Variants in CFAP221 observed in about 807,000 individuals in gnomAD.
The protein encoded by CFAP221 is cilia- and flagella-associated protein 221.
A neutral mutation model predicts 113.1 loss-of-function variants in CFAP221; 97 were observed. The ratio of observed to expected loss-of-function variants is 0.86; its 90% CI spans 0.73 to 1.02. CFAP221 has a LOEUF of 1.02. Among genes scored for constraint, CFAP221 ranks in the 50% least tolerant of loss-of-function variants. The pLI is 0.00. For missense variants in CFAP221, 1,025 were observed against 1,013.4 expected (o/e 1.01, Z -0.16); for synonymous variants, 331 against 354.4 (o/e 0.93, Z 0.74).
chr2:119,609,163 A>G (rs535246566), intron 12 of CFAP221, among the ~76,000 whole-genome samples: 4 of 152,312 alleles, frequency 2.6e-5, no homozygotes, highest in Admixed American at 2.0e-4. Flanking sequence ...TGGCCTCACC[A>G]TGCTTTGAAG....
At chr2:119,574,701 C>A (rs1682309974) in intron 6 of CFAP221, among the ~76,000 whole-genome samples, 1 of 152,154 alleles carries the variant, frequency 6.6e-6, no homozygotes, top group Non-Finnish European at 1.5e-5. Flanking sequence ...CACACACATG[C>A]ATGCACACAC....
At chr2:119,593,392 C>T (rs954131232) in intron 7 of CFAP221, among the ~76,000 whole-genome samples, 2 of 152,260 alleles carry the variant, frequency 1.3e-5, no homozygotes, top group Middle Eastern at 3.4e-3. Flanking sequence ...TTAATTGGGT[C>T]TGTAGGATGT....
chr2:119,603,809 A>G (rs1236564209), intron 8 of CFAP221, among the ~76,000 whole-genome samples: 1 of 152,212 alleles, frequency 6.6e-6, no homozygotes, highest in Non-Finnish European at 1.5e-5. Flanking sequence ...CTAAAAAAAG[A>G]AAAAAGAAAT....
chr2:119,591,003 AAC>A (rs1277109833), intron 7 of CFAP221, among the ~76,000 whole-genome samples: 1 of 152,158 alleles, frequency 6.6e-6, no homozygotes. Context: ...TATCTCAGAA[AAC>A]ACATAGTGGC....
Position 119,638,089 on chromosome 2 carries a change from C to T in CFAP221, c.1975-170C>T, listed in dbSNP as rs565803903. 5.8e-4 allele frequency: 296 copies of T among 512,810 alleles called. 17 individuals are homozygous for T. Among genetic ancestry groups the T allele is most frequent in the Non-Finnish European group, 8.0e-4 (243 of 304,992 alleles). The allele number at this position is 512,810 out of a possible 1,614,324, so 31.8% of individuals were successfully genotyped here. On this transcript the variant is annotated intron_variant, in intron 19 of 23. Coordinates refer to ENST00000413369, the MANE Select transcript of CFAP221 (RefSeq NM_001271049.2). ...ATGACTATGATTTTTTAAACGCTGC[C>T]GACTTGAAGACACCTCTGCTCTCCT...
At chr2:119,625,949 T>C (rs1439037599) in intron 15 of CFAP221, 2 of 437,310 alleles carry the variant, frequency 4.6e-6, no homozygotes, top group Non-Finnish European at 8.1e-6. Flanking sequence ...CATTAAGCCT[T>C]TTAAACTTAA....
chr2:119,586,151 G>C (rs1000978708), intron 6 of CFAP221, among the ~76,000 whole-genome samples: 1 of 152,158 alleles, frequency 6.6e-6, no homozygotes, highest in African/African-American at 2.4e-5. Context: ...GATGTACAGA[G>C]TCAAAGATGA....
intron 3 of CFAP221, among the ~76,000 whole-genome samples, chr2:119,551,126 A>G (rs1680390940): frequency 6.6e-6 from 1 of 152,216 alleles, no homozygotes; most frequent in Admixed American, 6.5e-5. Flanking sequence ...TTGTGTGGAT[A>G]GATCACATTT....
At chr2:119,578,629 G>A (rs1221623362) in intron 6 of CFAP221, among the ~76,000 whole-genome samples, 1 of 152,176 alleles carries the variant, frequency 6.6e-6, no homozygotes, top group African/African-American at 2.4e-5. Context: ...ATCTCTGTGT[G>A]AAGGCTTTCT....
intron 14 of CFAP221, among the ~76,000 whole-genome samples, chr2:119,616,716 A>G (rs1456509838): frequency 6.6e-6 from 1 of 152,150 alleles, no homozygotes; most frequent in Non-Finnish European, 1.5e-5. Context: ...ACCCCTGTGA[A>G]TCTGCTCTCA....
chr2:119,638,938 C>G (rs1437164227), intron 20 of CFAP221, among the ~76,000 whole-genome samples: 1 of 152,146 alleles, frequency 6.6e-6, no homozygotes, highest in Non-Finnish European at 1.5e-5. Context: ...AGCTCTCTCC[C>G]CACTTCTACC....
At chr2:119,589,236 G>A (rs1189709703) in intron 7 of CFAP221, among the ~76,000 whole-genome samples, 3 of 152,340 alleles carry the variant, frequency 2.0e-5, no homozygotes, top group East Asian at 3.9e-4. Flanking sequence ...CTTTGATGGT[G>A]TATCAGTACA....
intron 6 of CFAP221, among the ~76,000 whole-genome samples, chr2:119,567,882 G>A (rs1681761746): frequency 6.6e-6 from 1 of 151,940 alleles, no homozygotes; most frequent in African/African-American, 2.4e-5. Flanking sequence ...TCTTCCTGTG[G>A]TTTTAACCAT....
chr2:119,627,876 C>T, intron 16 of CFAP221, 90 bp downstream of exon 16: 1 of 1,496,030 alleles, frequency 6.7e-7, no homozygotes, highest in Non-Finnish European at 9.1e-7. Flanking sequence ...AGTCTCAGTC[C>T]CTTCACCTCC....
At chr2:119,631,687 A>C (rs1056105756) in intron 19 of CFAP221, among the ~76,000 whole-genome samples, 4 of 152,170 alleles carry the variant, frequency 2.6e-5, no homozygotes, top group Non-Finnish European at 1.5e-5. Context: ...AAGAAAATCA[A>C]ATGAAATAGA....
chr2:119,639,570 A>G (rs1236528189), intron 20 of CFAP221, among the ~76,000 whole-genome samples: 1 of 152,146 alleles, frequency 6.6e-6, no homozygotes, highest in African/African-American at 2.4e-5. Flanking sequence ...AGGGAAGCAA[A>G]CCTCGCCTTT....
intron 15 of CFAP221, among the ~76,000 whole-genome samples, chr2:119,626,931 G>GA (rs34265737): frequency 0.29 from 40,914 of 141,006 alleles, 6,342 homozygotes; most frequent in Middle Eastern, 0.39. Context: ...CCCTGTCTCT[G>GA]AAAAAAAAAA....
intron 14 of CFAP221, among the ~76,000 whole-genome samples, chr2:119,623,669 T>C (rs1313954704): frequency 1.3e-5 from 2 of 151,922 alleles, no homozygotes; most frequent in Admixed American, 1.3e-4. Flanking sequence ...CCAAAACACA[T>C]ATATAAACCA....
chr2:119,576,518 G>A (rs970731130), intron 6 of CFAP221, among the ~76,000 whole-genome samples: 2 of 152,144 alleles, frequency 1.3e-5, no homozygotes, highest in Non-Finnish European at 1.5e-5. Flanking sequence ...ATTGGTCTAA[G>A]TTTAATCTAA....
Sources: gnomAD v4.1 joint callset for allele counts (sites outside exome capture counted in the v4.1 genomes callset) on GRCh38, gnomAD v4.1.1 for gene constraint, MANE v1.5 for transcripts, NCBI Gene and HGNC (gene_info 2026-07-23, HGNC 2026-07-21) for gene names.